Variants in DIP2C observed in about 807,000 individuals in gnomAD.
The protein encoded by DIP2C is DIP2 acetate--CoA ligase C (putative), also known as disco-interacting protein 2 homolog C.
DIP2C carries 33 observed loss-of-function variants against 192.4 expected under a neutral mutation model. That is an observed-to-expected ratio of 0.17 (90% CI 0.13 to 0.23). DIP2C has a LOEUF of 0.23. Ranked by LOEUF, DIP2C falls within the 10% of genes least tolerant of loss-of-function variation. DIP2C has a pLI of 1.00. For missense variants in DIP2C, 1,537 were observed against 2,110.1 expected (o/e 0.73, Z 5.32); for synonymous variants, 979 against 864.1 (o/e 1.13, Z -2.33).
chr10:620,116 C>T (rs1017069150), intron 1 of DIP2C, among the ~76,000 whole-genome samples: 1 of 152,168 alleles, frequency 6.6e-6, no homozygotes, highest in African/African-American at 2.4e-5. Context: ...AATGTATTTA[C>T]GGAGGACGCC....
At chr10:388,563 A>G (rs1294902691) in intron 13 of DIP2C, among the ~76,000 whole-genome samples, 1 of 150,808 alleles carries the variant, frequency 6.6e-6, no homozygotes, top group African/African-American at 2.5e-5. Context: ...GTAGTGAAGT[A>G]AAGAGCGAAC....
At chr10:381,530 T>C (rs1962373662) in intron 17 of DIP2C, among the ~76,000 whole-genome samples, 1 of 152,132 alleles carries the variant, frequency 6.6e-6, no homozygotes, top group South Asian at 2.1e-4. Flanking sequence ...CTGTAACCCA[T>C]GGTGGGCCGT....
At chr10:551,084 T>C (rs1244892884) in intron 1 of DIP2C, among the ~76,000 whole-genome samples, 3 of 152,122 alleles carry the variant, frequency 2.0e-5, no homozygotes, top group South Asian at 4.1e-4. Context: ...TGCACACGGC[T>C]TCCCCGGGCC....
intron 10 of DIP2C, among the ~76,000 whole-genome samples, chr10:395,812 G>A (rs993404576): frequency 2.6e-5 from 4 of 152,188 alleles, no homozygotes; most frequent in African/African-American, 4.8e-5. Context: ...TCCTGTCCCC[G>A]TGTCCTCATC....
chr10:338,132 T>C (rs964585820), intron 29 of DIP2C, among the ~76,000 whole-genome samples: 2 of 152,238 alleles, frequency 1.3e-5, no homozygotes, highest in Non-Finnish European at 2.9e-5. Flanking sequence ...TGTATAGTTG[T>C]ATAATGTGTT....
At chr10:527,496 A>G (rs1588392500) in intron 1 of DIP2C, among the ~76,000 whole-genome samples, 1 of 152,220 alleles carries the variant, frequency 6.6e-6, no homozygotes, top group East Asian at 1.9e-4. Flanking sequence ...CCTCATTTCT[A>G]CTTGCAACCT....
intron 1 of DIP2C, among the ~76,000 whole-genome samples, chr10:645,644 C>T (rs1180758667): frequency 6.6e-6 from 1 of 152,112 alleles, no homozygotes; most frequent in Non-Finnish European, 1.5e-5. Flanking sequence ...CTCTTTTTAA[C>T]AAGAAAGGTG....
chr10:686,414 C>T (rs1004222891), intron 1 of DIP2C, among the ~76,000 whole-genome samples: 1 of 152,128 alleles, frequency 6.6e-6, no homozygotes, highest in Non-Finnish European at 1.5e-5. Context: ...ATGGCCTCCC[C>T]ACCTGCACAG....
At chr10:528,704 C>CCA (rs1847202831) in intron 1 of DIP2C, among the ~76,000 whole-genome samples, 1 of 152,186 alleles carries the variant, frequency 6.6e-6, no homozygotes, top group African/African-American at 2.4e-5. Context: ...TGCTTGGATA[C>CCA]CACAGTATCC....
chr10:285,706 C>G (rs370062408), intron 34 of DIP2C, among the ~76,000 whole-genome samples: 1 of 152,240 alleles, frequency 6.6e-6, no homozygotes, highest in African/African-American at 2.4e-5. Context: ...CACAGCTCCA[C>G]GAGGCGTCTT....
Position 529,452 on chromosome 10 carries a change from G to A in DIP2C, c.86-42922C>T, listed in dbSNP as rs111398891. On this transcript the variant is annotated intron_variant, in intron 1 of 36. Coordinates refer to ENST00000280886, the MANE Select transcript of DIP2C (RefSeq NM_014974.3). Reference sequence around the variant, plus strand: ...TTGCCATGCTCCTGTCACCTGCTTCGTTTTCCGTCCTTAAAAGACACAAAA... The same window carrying A: ...TTGCCATGCTCCTGTCACCTGCTTCATTTTCCGTCCTTAAAAGACACAAAA... 7.4e-4 allele frequency among the ~76,000 whole-genome samples: 110 copies of A among 147,722 alleles called. 1 individual carries two copies. The highest frequency in any genetic ancestry group is 2.4e-3 in the African/African-American group (97 of 41,168).
At chr10:654,113 C>T (rs1301928484) in intron 1 of DIP2C, among the ~76,000 whole-genome samples, 1 of 152,194 alleles carries the variant, frequency 6.6e-6, no homozygotes, top group African/African-American at 2.4e-5. Flanking sequence ...AGGGCAGTGG[C>T]GTCAGGGAAT....
At chr10:649,089 T>C (rs567621623) in intron 1 of DIP2C, among the ~76,000 whole-genome samples, 25 of 146,630 alleles carry the variant, frequency 1.7e-4, no homozygotes, top group African/African-American at 5.8e-4. Context: ...GGAAACTGAG[T>C]CCACGTCCAC....
chr10:285,692 GC>G (rs1279986405), intron 34 of DIP2C, among the ~76,000 whole-genome samples: 1 of 152,238 alleles, frequency 6.6e-6, no homozygotes, highest in Non-Finnish European at 1.5e-5. Context: ...GGAGACCAAG[GC>G]CACACAGCTC....
Position 636,301 on chromosome 10 carries a change from C to T in DIP2C, c.85+53193G>A, listed in dbSNP as rs1187162322. Among the ~76,000 whole-genome samples, 1 of 152,162 alleles carries T rather than the reference C, an allele frequency of 6.6e-6. No homozygotes were observed. The highest frequency in any genetic ancestry group is 1.5e-5 in the Non-Finnish European group (1 of 68,036). ...ATGTATTTTTACTTTCCCACATTTT[C>T]ATTATGAAAATGTTCAAACATATTT... On this transcript the variant is annotated intron_variant, in intron 1 of 36. Coordinates refer to ENST00000280886, the MANE Select transcript of DIP2C (RefSeq NM_014974.3). The surrounding 1 kb of genome is among the most constrained non-coding windows in gnomAD (Gnocchi z 4.6).
At chr10:320,823 T>G (rs1358305554) in intron 31 of DIP2C, among the ~76,000 whole-genome samples, 2 of 152,184 alleles carry the variant, frequency 1.3e-5, no homozygotes, top group African/African-American at 4.8e-5. Flanking sequence ...AGAAGCGACA[T>G]GGACATGGTG....
chr10:351,811 A>C (rs1302371963), intron 24 of DIP2C, among the ~76,000 whole-genome samples: 1 of 152,140 alleles, frequency 6.6e-6, no homozygotes, highest in Admixed American at 6.6e-5. Context: ...CAACCAGCCC[A>C]CCGGCTCCTT....
At chr10:550,843 A>ACC (rs1848546978) in intron 1 of DIP2C, among the ~76,000 whole-genome samples, 1 of 152,184 alleles carries the variant, frequency 6.6e-6, no homozygotes, top group South Asian at 2.1e-4. Context: ...TCCCTCTGGG[A>ACC]CCCCAGGCCT....
chr10:459,809 C>A (rs1431909759), intron 3 of DIP2C, among the ~76,000 whole-genome samples: 3 of 148,556 alleles, frequency 2.0e-5, no homozygotes, highest in Non-Finnish European at 4.4e-5. Context: ...AGGACCTTCC[C>A]ACAGCCACAT....
Sources: gnomAD v4.1 joint callset for allele counts (sites outside exome capture counted in the v4.1 genomes callset) on GRCh38, gnomAD v4.1.1 for gene constraint, Gnocchi (gnomAD v3.1) non-coding constraint, MANE v1.5 for transcripts, NCBI Gene and HGNC (gene_info 2026-07-23, HGNC 2026-07-21) for gene names.